Variants in KALRN observed in about 807,000 individuals in gnomAD.
The protein encoded by KALRN is kalirin RhoGEF kinase, also known as kalirin.
A neutral mutation model predicts 353.7 loss-of-function variants in KALRN; 70 were observed. That is an observed-to-expected ratio of 0.20 (90% confidence interval 0.16 to 0.24). The LOEUF is 0.24. Ranked by LOEUF, KALRN falls within the 10% of genes least tolerant of loss-of-function variation. KALRN has a pLI of 1.00. For missense variants in KALRN, 2,791 were observed against 3,756.7 expected (o/e 0.74, Z 6.72); for synonymous variants, 1,391 against 1,434.8 (o/e 0.97, Z 0.69).
At chr3:124,041,456 G>T (rs1436402716) in intron 1 of KALRN, among the ~76,000 whole-genome samples, 3 of 152,142 alleles carry the variant, frequency 2.0e-5, no homozygotes, top group Admixed American at 1.3e-4. Context: ...GATTTAATCT[G>T]ATTTCCATGG....
intron 1 of KALRN, among the ~76,000 whole-genome samples, chr3:124,218,387 CCCTCGGCG>C (rs1198563665): frequency 6.6e-6 from 1 of 152,160 alleles, no homozygotes; most frequent in Non-Finnish European, 1.5e-5. Flanking sequence ...CACCTTCTGC[CCCTCGGCG>C]CCTTTGTAAC....
intron 34 of KALRN, among the ~76,000 whole-genome samples, chr3:124,577,916 C>T (rs185949783): frequency 2.6e-5 from 4 of 152,254 alleles, no homozygotes; most frequent in Admixed American, 2.0e-4. Context: ...ATTTGGAGTT[C>T]AAATTAAATA....
chr3:124,393,992 T>C (rs2089836952), intron 11 of KALRN, among the ~76,000 whole-genome samples: 1 of 152,218 alleles, frequency 6.6e-6, no homozygotes, highest in African/African-American at 2.4e-5. Context: ...CTCGATGAAA[T>C]AATATTCTTG....
At chr3:124,092,755 T>C (rs1225071990) in intron 1 of KALRN, among the ~76,000 whole-genome samples, 2 of 152,218 alleles carry the variant, frequency 1.3e-5, no homozygotes, top group African/African-American at 2.4e-5. Context: ...TTTTGGAACA[T>C]GGATTTTCTC....
At chr3:124,331,869 C>T (rs1243271945) in intron 8 of KALRN, among the ~76,000 whole-genome samples, 1 of 152,160 alleles carries the variant, frequency 6.6e-6, no homozygotes, top group Non-Finnish European at 1.5e-5. Flanking sequence ...TCCATGCTTC[C>T]TACAGATGTA....
chr3:124,295,970 A>G (rs1475562029), intron 5 of KALRN, among the ~76,000 whole-genome samples: 1 of 152,134 alleles, frequency 6.6e-6, no homozygotes, highest in East Asian at 1.9e-4. Context: ...TATCGACCCA[A>G]CCTCTACAGG....
At chr3:124,275,297 T>G (rs1319527050) in intron 5 of KALRN, among the ~76,000 whole-genome samples, 1 of 152,194 alleles carries the variant, frequency 6.6e-6, no homozygotes, top group Non-Finnish European at 1.5e-5. Context: ...TTCCTTCCTC[T>G]TCCTTTGAGA....
chr3:124,449,376 A>G (rs553705402), intron 21 of KALRN, among the ~76,000 whole-genome samples: 2 of 152,328 alleles, frequency 1.3e-5, no homozygotes, highest in South Asian at 4.2e-4. Flanking sequence ...GAATGAGGAA[A>G]AAAGGAAAAC....
At chr3:124,524,615 G>A (rs1016829655) in intron 33 of KALRN, among the ~76,000 whole-genome samples, 2 of 152,200 alleles carry the variant, frequency 1.3e-5, no homozygotes, top group South Asian at 2.1e-4. Flanking sequence ...AACAGGTTGA[G>A]TTGTGGGAGA....
rs116245550 is a variant in KALRN, at chr3:124,588,826, T to A, written c.5182+25737T>A. On this transcript the variant is annotated intron_variant, in intron 34 of 59. Coordinates refer to ENST00000682506, the MANE Select transcript of KALRN (RefSeq NM_001388419.1). ...TGATTACCATCCTCCACAGTGTGCA[T>A]GGGATTTATTTATACTTGTTTATTG... is the stretch of plus-strand genomic sequence containing the variant. Among the ~76,000 whole-genome samples, 780 of 152,340 alleles carry A rather than the reference T, an allele frequency of 5.1e-3. 2 individuals carry two copies. The highest frequency in any genetic ancestry group is 9.2e-3 in the Non-Finnish European group (624 of 68,022).
At chr3:124,225,067 T>G (rs549863027) in intron 1 of KALRN, among the ~76,000 whole-genome samples, 51 of 152,298 alleles carry the variant, frequency 3.3e-4, no homozygotes, top group African/African-American at 1.2e-3. Flanking sequence ...ATTGGTCCTG[T>G]TTGAGTTAGC....
chr3:124,048,762 C>T (rs141068748), intron 1 of KALRN, among the ~76,000 whole-genome samples: 1 of 152,176 alleles, frequency 6.6e-6, no homozygotes, highest in Non-Finnish European at 1.5e-5. Flanking sequence ...GGATTACAGG[C>T]GTGAGCCACC....
chr3:124,598,690 T>C (rs79321507), intron 34 of KALRN, among the ~76,000 whole-genome samples: 1 of 152,180 alleles, frequency 6.6e-6, no homozygotes, highest in Non-Finnish European at 1.5e-5. Flanking sequence ...GTCATTGTTT[T>C]TGAGACAGGT....
chr3:124,511,029 G>A (rs1440146941), intron 33 of KALRN, among the ~76,000 whole-genome samples: 1 of 151,978 alleles, frequency 6.6e-6, no homozygotes, highest in Non-Finnish European at 1.5e-5. Flanking sequence ...AAAACAGGCT[G>A]GTTTTCATAT....
chr3:124,614,241 C>CTTAT (rs10666219), intron 34 of KALRN, among the ~76,000 whole-genome samples: 17,432 of 142,802 alleles, frequency 0.12, 1,478 homozygotes, highest in East Asian at 0.41. Flanking sequence ...TTCTAAAATT[C>CTTAT]TTATTTATTT....
intron 47 of KALRN, among the ~76,000 whole-genome samples, chr3:124,670,912 C>G (rs73195554): frequency 6.6e-6 from 1 of 152,178 alleles, no homozygotes. Flanking sequence ...GAGCCATCCT[C>G]GATTCTTGCA....
chr3:124,197,012 C>G, intron 1 of KALRN, among the ~76,000 whole-genome samples: 1 of 152,200 alleles, frequency 6.6e-6, no homozygotes, highest in East Asian at 1.9e-4. Flanking sequence ...CCTAAGCATT[C>G]TGATTTCAGA....
At chr3:124,457,565 T>A (rs2059442865) in intron 23 of KALRN, among the ~76,000 whole-genome samples, 1 of 152,232 alleles carries the variant, frequency 6.6e-6, no homozygotes, top group African/African-American at 2.4e-5. Flanking sequence ...CACCAGCACC[T>A]ACACTTTTTA....
At chr3:124,474,620 G>T in intron 25 of KALRN, 43 bp from the exon 26 acceptor site, 7 of 1,514,724 alleles carry the variant, frequency 4.6e-6, no homozygotes, top group Non-Finnish European at 6.4e-6. Flanking sequence ...TGGGGGGTCA[G>T]CTGCACAGAG....
Sources: gnomAD v4.1 joint callset for allele counts (sites outside exome capture counted in the v4.1 genomes callset) on GRCh38, gnomAD v4.1.1 for gene constraint, MANE v1.5 for transcripts, NCBI Gene and HGNC (gene_info 2026-07-23, HGNC 2026-07-21) for gene names.